The following NLGN1 variants were observed in gnomAD, a reference collection of about 807,000 sequenced individuals.
The protein encoded by NLGN1 is neuroligin 1, also known as neuroligin-1.
NLGN1 carries 12 observed loss-of-function variants against 65.5 expected under a neutral mutation model. That is an observed-to-expected ratio of 0.18 (90% confidence interval 0.12 to 0.30). The LOEUF (loss-of-function observed/expected upper bound fraction) is 0.30. NLGN1 is among the 10% of genes least tolerant of loss of function. NLGN1 has a pLI of 1.00. For synonymous variants in NLGN1, 350 were observed against 359.5 expected, an observed-to-expected ratio of 0.97 and a Z score of 0.30; for missense variants, 750 against 1,007.1, an observed-to-expected ratio of 0.74 and a Z score of 3.46.
intron 4 of NLGN1, among the ~76,000 whole-genome samples, chr3:173,929,590 AAGG>A (rs1420790386): frequency 1.3e-5 from 2 of 151,510 alleles, no homozygotes; most frequent in Admixed American, 6.6e-5. Flanking sequence ...AAAAAAAAAA[AAGG>A]AGGAAAGAAA....
At chr3:173,602,361 T>G (rs768088454) in intron 2 of NLGN1, among the ~76,000 whole-genome samples, 1 of 152,024 alleles carries the variant, frequency 6.6e-6, no homozygotes, top group Non-Finnish European at 1.5e-5. Context: ...TAGTAGCAAC[T>G]TCTGAAAATT....
At chr3:173,926,573 T>C (rs1401326604) in intron 4 of NLGN1, among the ~76,000 whole-genome samples, 1 of 152,204 alleles carries the variant, frequency 6.6e-6, no homozygotes, top group Non-Finnish European at 1.5e-5. Flanking sequence ...TTATTCAAAT[T>C]CTCTCCACTT....
intron 3 of NLGN1, among the ~76,000 whole-genome samples, chr3:173,646,046 G>T (rs1310789002): frequency 2.0e-5 from 3 of 152,076 alleles, no homozygotes. Flanking sequence ...GCCGCTTTTG[G>T]CTCTGCCCCC....
intron 4 of NLGN1, among the ~76,000 whole-genome samples, chr3:174,104,966 G>T (rs1227079824): frequency 6.6e-6 from 1 of 152,084 alleles, no homozygotes; most frequent in Non-Finnish European, 1.5e-5. Flanking sequence ...TGAGTTTTCA[G>T]GATATGGCTA....
At chr3:173,877,389 G>C (rs977884861) in intron 4 of NLGN1, among the ~76,000 whole-genome samples, 1 of 151,784 alleles carries the variant, frequency 6.6e-6, no homozygotes, top group African/African-American at 2.4e-5. Flanking sequence ...TAAAGGACAA[G>C]GACAGACTGA....
intron 4 of NLGN1, among the ~76,000 whole-genome samples, chr3:174,117,444 G>A (rs6765874): frequency 0.074 from 11,206 of 151,668 alleles, 485 homozygotes; most frequent in African/African-American, 0.097. Context: ...GTGAAACCTC[G>A]TCTCTACTAA....
intron 4 of NLGN1, among the ~76,000 whole-genome samples, chr3:173,989,721 A>G (rs1314574475): frequency 6.6e-6 from 1 of 152,206 alleles, no homozygotes; most frequent in African/African-American, 2.4e-5. Context: ...AAGTAGCTTA[A>G]TTATGTAATC....
chr3:173,628,844 C>T (rs1457906541), intron 3 of NLGN1, among the ~76,000 whole-genome samples: 1 of 152,000 alleles, frequency 6.6e-6, no homozygotes, highest in Non-Finnish European at 1.5e-5. Flanking sequence ...GAGGCGTGCA[C>T]CACCATGCCC....
At chr3:173,603,532 T>C (rs1453795830) in intron 2 of NLGN1, among the ~76,000 whole-genome samples, 1 of 152,130 alleles carries the variant, frequency 6.6e-6, no homozygotes, top group East Asian at 1.9e-4. Flanking sequence ...GCAAATTTAT[T>C]GATATCTATA....
chr3:173,989,140 A>G (rs1720560858), intron 4 of NLGN1, among the ~76,000 whole-genome samples: 1 of 152,190 alleles, frequency 6.6e-6, no homozygotes, highest in African/African-American at 2.4e-5. Context: ...CTCAAGGGAT[A>G]AGGCAGTTGT....
At chr3:173,842,638 TCTC>T (rs1198946553) in intron 4 of NLGN1, among the ~76,000 whole-genome samples, 1 of 152,128 alleles carries the variant, frequency 6.6e-6, no homozygotes, top group Non-Finnish European at 1.5e-5. Context: ...CCAAAAATGA[TCTC>T]CTTTGACTCC....
At chr3:173,405,846 G>T (rs985838002) in intron 1 of NLGN1, among the ~76,000 whole-genome samples, 2 of 151,950 alleles carry the variant, frequency 1.3e-5, no homozygotes, top group African/African-American at 2.4e-5. Flanking sequence ...TTTTTCAAAT[G>T]TATGTTTAGG....
At chr3:173,892,925 G>A (rs1735628848) in intron 4 of NLGN1, among the ~76,000 whole-genome samples, 1 of 152,160 alleles carries the variant, frequency 6.6e-6, no homozygotes, top group Non-Finnish European at 1.5e-5. Flanking sequence ...ACTTGGGGAA[G>A]CCTTTTTTCC....
At chr3:173,748,175 A>C (rs974927147) in intron 3 of NLGN1, among the ~76,000 whole-genome samples, 1 of 152,046 alleles carries the variant, frequency 6.6e-6, no homozygotes, top group African/African-American at 2.4e-5. Flanking sequence ...AAATAACTGC[A>C]TTGTTTTACT....
intron 4 of NLGN1, among the ~76,000 whole-genome samples, chr3:173,936,251 CCTT>C (rs1745061432): frequency 6.6e-6 from 1 of 151,952 alleles, no homozygotes; most frequent in Non-Finnish European, 1.5e-5. Flanking sequence ...TCTGCTTTCT[CCTT>C]AAGGGCACCA....
At chr3:173,864,388 A>G (rs532936918) in intron 4 of NLGN1, among the ~76,000 whole-genome samples, 1 of 152,282 alleles carries the variant, frequency 6.6e-6, no homozygotes, top group African/African-American at 2.4e-5. Context: ...TACATCATGG[A>G]TGACAAATTT....
chr3:173,936,108 CT>C (rs1022509612), intron 4 of NLGN1, among the ~76,000 whole-genome samples: 231 of 145,562 alleles, frequency 1.6e-3, no homozygotes, highest in Admixed American at 3.4e-3. Context: ...CACATTAAGT[CT>C]TTTTTTTTTT....
intron 4 of NLGN1, among the ~76,000 whole-genome samples, chr3:174,216,820 T>G (rs2152800939): frequency 6.6e-6 from 1 of 152,236 alleles, no homozygotes; most frequent in African/African-American, 2.4e-5. Context: ...TCAAAACACC[T>G]TTCCCATTGA....
At chr3:173,544,508 C>T (rs949377749) in intron 2 of NLGN1, among the ~76,000 whole-genome samples, 4 of 151,558 alleles carry the variant, frequency 2.6e-5, no homozygotes, top group Non-Finnish European at 5.9e-5. Context: ...ACTATGTAGC[C>T]GTATAGTGGC....
Sources: gnomAD v4.1 joint callset for allele counts (sites outside exome capture counted in the v4.1 genomes callset) on GRCh38, gnomAD v4.1.1 for gene constraint, MANE v1.5 for transcripts, NCBI Gene and HGNC (gene_info 2026-07-23, HGNC 2026-07-21) for gene names.